Variants in NRXN1 observed in about 807,000 individuals in gnomAD.
NRXN1 encodes neurexin-1.
NRXN1 carries 39 observed loss-of-function variants against 150.9 expected under a neutral mutation model. The observed-to-expected ratio is 0.26, with a 90% CI of 0.20 to 0.34. The LOEUF is 0.34. Ranked by LOEUF, NRXN1 falls within the 10% of genes least tolerant of loss-of-function variation. The probability of loss-of-function intolerance (pLI) is 1.00; values close to 1 mark genes in which losing one functional copy is unlikely to be tolerated. For missense variants in NRXN1, 1,815 were observed against 1,949.9 expected, an observed-to-expected ratio of 0.93 and a Z score of 1.30; for synonymous variants, 924 against 757.0, an observed-to-expected ratio of 1.22 and a Z score of -3.62.
chr2:50,494,195 T>C (rs1476789422), intron 15 of NRXN1, among the ~76,000 whole-genome samples: 2 of 152,240 alleles, frequency 1.3e-5, no homozygotes, highest in African/African-American at 4.8e-5. Context: ...TGTGTAGGGC[T>C]GTACATGCCA....
At chr2:50,120,984 T>C (rs901837908) in intron 18 of NRXN1, among the ~76,000 whole-genome samples, 15 of 152,198 alleles carry the variant, frequency 9.9e-5, no homozygotes, top group Admixed American at 2.6e-4. Context: ...GCACTTACAA[T>C]ATGCCAGACA....
intron 8 of NRXN1, among the ~76,000 whole-genome samples, chr2:50,587,877 G>C (rs1294336461): frequency 6.6e-6 from 1 of 151,610 alleles, no homozygotes; most frequent in Non-Finnish European, 1.5e-5. Context: ...TACAAGCCAG[G>C]GTAAGATGGT....
intron 2 of NRXN1, among the ~76,000 whole-genome samples, chr2:51,019,176 G>A (rs1669204359): frequency 6.6e-6 from 1 of 152,054 alleles, no homozygotes; most frequent in Non-Finnish European, 1.5e-5. Context: ...GGACAGGGCT[G>A]CCTGCTAAGG....
At chr2:50,789,937 T>A (rs1400023921) in intron 5 of NRXN1, among the ~76,000 whole-genome samples, 1 of 152,198 alleles carries the variant, frequency 6.6e-6, no homozygotes, top group Non-Finnish European at 1.5e-5. Flanking sequence ...ATTATGTCTC[T>A]TAAAGAATTA....
intron 1 of NRXN1, among the ~76,000 whole-genome samples, chr2:51,031,104 C>A (rs1419135593): frequency 1.3e-5 from 2 of 151,786 alleles, no homozygotes; most frequent in African/African-American, 4.8e-5. Context: ...CTGGTTTTCC[C>A]AGTTCTTGGA....
chr2:50,742,261 A>T (rs1328194760), intron 5 of NRXN1, among the ~76,000 whole-genome samples: 1 of 148,308 alleles, frequency 6.7e-6, no homozygotes, highest in Non-Finnish European at 1.5e-5. Context: ...TGCAATATTT[A>T]CATATATATA....
chr2:50,628,844 A>G (rs967725005), intron 5 of NRXN1, among the ~76,000 whole-genome samples: 2 of 151,718 alleles, frequency 1.3e-5, no homozygotes, highest in Admixed American at 1.3e-4. Context: ...CAAAAACGCA[A>G]CACAAGCCAA....
chr2:50,638,775 G>A (rs1683606830), intron 5 of NRXN1, among the ~76,000 whole-genome samples: 2 of 151,962 alleles, frequency 1.3e-5, no homozygotes, highest in Non-Finnish European at 2.9e-5. Context: ...ATATTTTATA[G>A]CCCATGCTTG....
At chr2:50,425,378 A>G (rs1237056335) in intron 17 of NRXN1, among the ~76,000 whole-genome samples, 1 of 152,176 alleles carries the variant, frequency 6.6e-6, no homozygotes, top group Non-Finnish European at 1.5e-5. Flanking sequence ...TTTCAATTAT[A>G]AACATCCATT....
At chr2:50,019,371 G>C in intron 21 of NRXN1, 1 of 469,364 alleles carries the variant, frequency 2.1e-6, no homozygotes, top group South Asian at 1.6e-5. Flanking sequence ...CGGGCTGGGC[G>C]CGGTGGCTCA....
intron 17 of NRXN1, among the ~76,000 whole-genome samples, chr2:50,444,254 T>C (rs930633058): frequency 2.0e-5 from 3 of 152,064 alleles, no homozygotes; most frequent in Admixed American, 6.6e-5. Context: ...CAGGAAAAAA[T>C]AAATATACAT....
At position 50,909,565 on chromosome 2, in the gene NRXN1, T is replaced by G. The variant is rs894066103; in HGVS notation, c.832+12304A>C. On this transcript the variant is annotated intron_variant, in intron 5 of 22. Coordinates refer to ENST00000401669, the MANE Select transcript of NRXN1 (RefSeq NM_001330078.2). ...AATTGCTATTCACTTAAGTGTTATC[T>G]CTGAGTCCTAAAGTGTTAACAGACC... is the stretch of plus-strand genomic sequence containing the variant. Among the ~76,000 whole-genome samples the G allele has an allele frequency of 2.6e-5, 4 of 151,998 alleles. No homozygotes were observed. The South Asian group carries it at 8.3e-4, about 31-fold the overall frequency.
intron 18 of NRXN1, among the ~76,000 whole-genome samples, chr2:50,150,194 T>C (rs2058615335): frequency 6.6e-6 from 1 of 151,766 alleles, no homozygotes; most frequent in Non-Finnish European, 1.5e-5. Flanking sequence ...TGACCTAGAG[T>C]TAATCACCTT....
chr2:50,971,394 C>A (rs1209221846), intron 2 of NRXN1, among the ~76,000 whole-genome samples: 1 of 151,910 alleles, frequency 6.6e-6, no homozygotes, highest in South Asian at 2.1e-4. Context: ...ACCAGCCTGG[C>A]CAACATGGTG....
intron 5 of NRXN1, among the ~76,000 whole-genome samples, chr2:50,877,904 G>A (rs1678849504): frequency 6.6e-6 from 1 of 151,890 alleles, no homozygotes; most frequent in Admixed American, 6.6e-5. Context: ...GAGCCATATA[G>A]GCATTCCATA....
intron 21 of NRXN1, among the ~76,000 whole-genome samples, chr2:49,997,209 G>A (rs1000189131): frequency 6.6e-6 from 1 of 151,902 alleles, no homozygotes; most frequent in Non-Finnish European, 1.5e-5. Context: ...AGATAAGAGC[G>A]CATATCTCTT....
chr2:50,184,859 C>T lies in NRXN1; in HGVS notation c.3546+51930G>A, dbSNP rs141269860. Reference sequence around the variant, plus strand: ...ATCGACATTTTGCTAACAGTGGAACCGAGTCATGCAGGGATTAAGTAATTG... The same window carrying T: ...ATCGACATTTTGCTAACAGTGGAACTGAGTCATGCAGGGATTAAGTAATTG... On this transcript the variant is annotated intron_variant, in intron 18 of 22. Transcript: ENST00000401669. Among the ~76,000 whole-genome samples the T allele has an allele frequency of 5.1e-4, 77 of 152,168 alleles. No individual in the cohort carries two copies. In the East Asian group the frequency reaches 0.012, roughly 23 times the overall value.
chr2:50,930,834 C>T (rs1016820964), intron 2 of NRXN1, among the ~76,000 whole-genome samples: 5 of 151,974 alleles, frequency 3.3e-5, no homozygotes, highest in Non-Finnish European at 5.9e-5. Context: ...TATCACATAC[C>T]CTCCCAACCA....
intron 2 of NRXN1, among the ~76,000 whole-genome samples, chr2:50,990,787 T>A (rs896163393): frequency 6.6e-6 from 1 of 152,038 alleles, no homozygotes; most frequent in Non-Finnish European, 1.5e-5. Context: ...ATGGCTCACA[T>A]GCTGGCCAAG....
Sources: allele counts gnomAD v4.1 joint callset (sites outside exome capture counted in the v4.1 genomes callset), GRCh38; gene constraint gnomAD v4.1.1; transcripts MANE v1.5; gene names NCBI Gene and HGNC (gene_info 2026-07-23, HGNC 2026-07-21).